The following POU2F1 variants were observed in gnomAD, a reference collection of about 807,000 sequenced individuals.
POU2F1 encodes POU class 2 homeobox 1, also known as POU domain, class 2, transcription factor 1.
Under a neutral mutation model 84.9 loss-of-function variants are expected in POU2F1, and 16 were observed. The observed-to-expected ratio is 0.19, with a 90% CI of 0.13 to 0.29. The LOEUF is 0.29. POU2F1 is among the 10% of genes least tolerant of loss of function. The pLI is 1.00. For missense variants in POU2F1, 738 were observed against 942.6 expected (o/e 0.78, Z 2.84); for synonymous variants, 368 against 368.3 (o/e 1.00, Z 0.01).
At chr1:167,302,131 G>A (rs1654745778) in intron 1 of POU2F1, among the ~76,000 whole-genome samples, 1 of 151,812 alleles carries the variant, frequency 6.6e-6, no homozygotes, top group South Asian at 2.1e-4. Flanking sequence ...GAGGGCAGTG[G>A]CACCATCTCG....
intron 2 of POU2F1, chr1:167,337,918 G>A (rs960489128): frequency 1.1e-5 from 4 of 360,842 alleles, no homozygotes; most frequent in African/African-American, 8.6e-5. Flanking sequence ...TTTATGATCA[G>A]GACAGCCCTA....
At chr1:167,329,692 C>T (rs1252199367) in intron 1 of POU2F1, among the ~76,000 whole-genome samples, 1 of 151,932 alleles carries the variant, frequency 6.6e-6, no homozygotes, top group East Asian at 1.9e-4. Flanking sequence ...GTTTTTCATA[C>T]CTAATGAGAA....
chr1:167,357,113 G>T (rs1407971405), intron 2 of POU2F1, among the ~76,000 whole-genome samples: 1 of 152,046 alleles, frequency 6.6e-6, no homozygotes, highest in Non-Finnish European at 1.5e-5. Context: ...TATCACTTAG[G>T]CAATATGAAA....
chr1:167,396,702 CA>C lies in POU2F1; in HGVS notation c.1129+276del. ...AGGATTAGGAACACACACACACACA[CA>C]CACACAGTTGAAGGAATAGGATAAG... On this transcript the variant is annotated intron_variant, in intron 10 of 15. Coordinates refer to ENST00000367866, the MANE Select transcript of POU2F1 (RefSeq NM_002697.4). 3 of 336,806 alleles carry C rather than the reference CA, an allele frequency of 8.9e-6. No individual in the cohort carries two copies. The South Asian group carries it at 1.7e-4, about 19-fold the overall frequency. 20.9% of individuals were successfully genotyped at this position (336,806 alleles called of 1,614,324 possible). A position where few individuals can be genotyped will look rare whatever the true frequency, so the allele number is the denominator to read the frequency against.
At chr1:167,320,495 G>C (rs1656232895) in intron 1 of POU2F1, among the ~76,000 whole-genome samples, 1 of 152,306 alleles carries the variant, frequency 6.6e-6, no homozygotes, top group South Asian at 2.1e-4. Context: ...AAGTGAGTTT[G>C]CCAAGTAAGA....
intron 8 of POU2F1, chr1:167,387,051 T>G (rs898935592): frequency 2.5e-6 from 1 of 396,334 alleles, no homozygotes; most frequent in Non-Finnish European, 5.1e-6. Flanking sequence ...AATGCAAGAG[T>G]GAGGTTGGGA....
At chr1:167,374,997 G>T (rs1392146686) in intron 6 of POU2F1, among the ~76,000 whole-genome samples, 1 of 151,796 alleles carries the variant, frequency 6.6e-6, no homozygotes, top group Non-Finnish European at 1.5e-5. Context: ...AACCCAGGAG[G>T]TGGAGCTTGC....
At chr1:167,386,750 A>G (rs1011307095) in intron 8 of POU2F1, among the ~76,000 whole-genome samples, 21 of 152,228 alleles carry the variant, frequency 1.4e-4, no homozygotes, top group Non-Finnish European at 4.4e-5. Flanking sequence ...CAAAAGCATT[A>G]TACTACATGA....
intron 1 of POU2F1, among the ~76,000 whole-genome samples, chr1:167,281,361 A>G (rs1653121255): frequency 6.6e-6 from 1 of 152,214 alleles, no homozygotes; most frequent in Non-Finnish European, 1.5e-5. Context: ...ACAGTCTGTT[A>G]AGGAGTATTT....
At chr1:167,327,361 G>C (rs1263526266) in intron 1 of POU2F1, among the ~76,000 whole-genome samples, 1 of 152,118 alleles carries the variant, frequency 6.6e-6, no homozygotes, top group African/African-American at 2.4e-5. Context: ...AGGTATTACA[G>C]GTATTAAATG....
At chr1:167,381,346 G>T (rs1322329919) in intron 7 of POU2F1, among the ~76,000 whole-genome samples, 1 of 152,158 alleles carries the variant, frequency 6.6e-6, no homozygotes, top group Non-Finnish European at 1.5e-5. Context: ...GCCTCCCAAA[G>T]TGCTGGGATT....
At chr1:167,404,179 CT>C (rs1018018570) in intron 13 of POU2F1, among the ~76,000 whole-genome samples, 1,690 of 140,170 alleles carry the variant, frequency 0.012, 13 homozygotes, top group African/African-American at 0.026. Context: ...GGTAATTTAT[CT>C]TTTTTTTTTT....
chr1:167,244,736 T>C (rs1650183769), intron 1 of POU2F1, among the ~76,000 whole-genome samples: 5 of 152,206 alleles, frequency 3.3e-5, no homozygotes, highest in Admixed American at 3.3e-4. Flanking sequence ...TTTAAGAGCA[T>C]ACAGGAGCCC....
intron 1 of POU2F1, among the ~76,000 whole-genome samples, chr1:167,240,770 A>G (rs187207638): frequency 1.3e-5 from 2 of 152,330 alleles, no homozygotes; most frequent in Admixed American, 6.5e-5. Context: ...AGGTTTGCCA[A>G]CGTTATTTCT....
intron 8 of POU2F1, among the ~76,000 whole-genome samples, chr1:167,386,889 AAAGGGAAC>A (rs1314865517): frequency 1.3e-5 from 2 of 152,214 alleles, no homozygotes; most frequent in African/African-American, 4.8e-5. Flanking sequence ...GATTAACTGC[AAAGGGAAC>A]AAGGGAACTT....
Position 167,220,917 on chromosome 1 carries a change from C to A in POU2F1, c.20C>A (p.Ala7Glu), listed in dbSNP as rs1172353698. The A allele has an allele frequency of 2.1e-5, 32 of 1,535,018 alleles. No homozygotes were observed. The highest frequency in any genetic ancestry group is 8.7e-7 in the Non-Finnish European group (1 of 1,146,758). The change falls in exon 1 of 16, where the codon GCG (alanine) becomes GAG (glutamate). Residue 7 changes from alanine to glutamate, a missense_variant. By Grantham distance (107) the Ala-to-Glu change is moderately radical. This residue lies in a region of POU2F1 where 161 missense variants were observed against 147.0 expected (regional missense o/e 1.10). Transcript: ENST00000367866. MADGGA[A>E]SQDESSAAAA... Reference sequence around the variant, plus strand: ...TTCAAAATGGCGGACGGAGGAGCAGCGAGTCAAGATGAGAGTTCAGCCGCG... The same window carrying A: ...TTCAAAATGGCGGACGGAGGAGCAGAGAGTCAAGATGAGAGTTCAGCCGCG...
chr1:167,360,666 G>A (rs1557925694), intron 2 of POU2F1, among the ~76,000 whole-genome samples: 1 of 152,048 alleles, frequency 6.6e-6, no homozygotes, highest in Admixed American at 6.5e-5. Flanking sequence ...GATTGCCTTG[G>A]CTATTCAGGC....
At position 167,425,053 on chromosome 1, in the gene POU2F1, A is replaced by G. The variant is rs1391824328; in HGVS notation, c.*9243A>G. On this transcript the variant is annotated 3_prime_UTR_variant, in exon 16 of 16. Transcript: ENST00000367866. Reference sequence around the variant, plus strand: ...CCAAATATTTAAGTTTATTATTATTATTATTATTATTTGACAATCTTATAT... The same window carrying G: ...CCAAATATTTAAGTTTATTATTATTGTTATTATTATTTGACAATCTTATAT... 1 of 151,902 alleles carries G rather than the reference A, an allele frequency of 6.6e-6. No homozygotes were observed. The highest frequency in any genetic ancestry group is 1.5e-5 in the Non-Finnish European group (1 of 67,996). 9.4% of individuals were successfully genotyped at this position (151,902 alleles called of 1,614,324 possible). A position where few individuals can be genotyped will look rare whatever the true frequency, so the allele number is the denominator to read the frequency against.
intron 1 of POU2F1, among the ~76,000 whole-genome samples, chr1:167,247,555 C>T (rs1449754446): frequency 6.6e-6 from 1 of 152,082 alleles, no homozygotes; most frequent in African/African-American, 2.4e-5. Context: ...CAGTTTTGAG[C>T]TATATAGTAC....
Sources: gnomAD v4.1 joint callset for allele counts (sites outside exome capture counted in the v4.1 genomes callset) on GRCh38, gnomAD v4.1.1 for gene constraint, gnomAD v4.1.1 regional missense constraint, MANE v1.5 for transcripts, NCBI Gene and HGNC (gene_info 2026-07-23, HGNC 2026-07-21) for gene names.